Variants in OTUD7A observed in about 807,000 individuals in gnomAD.
The protein encoded by OTUD7A is OTU domain-containing protein 7A.
Under a neutral mutation model 65.7 loss-of-function variants are expected in OTUD7A, and 12 were observed. The ratio of observed to expected loss-of-function variants is 0.18; its 90% CI spans 0.12 to 0.30. The LOEUF (loss-of-function observed/expected upper bound fraction) is 0.30. Ranked by LOEUF, OTUD7A falls within the 10% of genes least tolerant of loss-of-function variation. OTUD7A has a pLI of 1.00. For synonymous variants in OTUD7A, 641 were observed against 586.3 expected, an observed-to-expected ratio of 1.09 and a Z score of -1.35; for missense variants, 1,148 against 1,304.8, an observed-to-expected ratio of 0.88 and a Z score of 1.85.
chr15:31,611,586 C>A (rs1460756420), intron 3 of OTUD7A, among the ~76,000 whole-genome samples: 1 of 152,082 alleles, frequency 6.6e-6, no homozygotes, highest in African/African-American at 2.4e-5. Flanking sequence ...TGGAAAAATA[C>A]AACCCTCAGC....
intron 1 of OTUD7A, among the ~76,000 whole-genome samples, chr15:31,772,251 C>CAAAAA (rs34676002): frequency 2.7e-4 from 22 of 80,712 alleles, no homozygotes; most frequent in African/African-American, 9.2e-4. Context: ...GACTCCGTCT[C>CAAAAA]AAAAAAAAAA....
chr15:31,483,838 C>G lies in OTUD7A; in HGVS notation c.2258G>C (p.Gly753Ala), dbSNP rs2041180869. 2.0e-6 allele frequency: 2 copies of G among 984,294 alleles called. No individual in the cohort carries two copies. Among genetic ancestry groups the G allele is most frequent in the Non-Finnish European group, 2.4e-6 (2 of 830,698 alleles). The allele number at this position is 984,294 out of a possible 1,614,324, so 61.0% of individuals were successfully genotyped here. The change falls in exon 13 of 13, where the codon GGG (glycine) becomes GCG (alanine). Residue 753 changes from glycine (G) to alanine (A), a missense_variant. Around this residue, in one of 6 missense-constraint regions of OTUD7A, gnomAD observed 842 missense variants for 769.5 expected, o/e 1.09. Transcript: ENST00000307050. ...RAAAGGTASP[G>A]GGARRASASG... Reference sequence around the variant, plus strand: ...GGCGCTCGCACGCCGCGCGCCTCCCCCCGGGGAGGCCGTGCCGCCCGCCGC... The same window carrying G: ...GGCGCTCGCACGCCGCGCGCCTCCCGCCGGGGAGGCCGTGCCGCCCGCCGC...
At chr15:31,546,189 A>C (rs1302210104) in intron 5 of OTUD7A, among the ~76,000 whole-genome samples, 1 of 152,214 alleles carries the variant, frequency 6.6e-6, no homozygotes, top group East Asian at 1.9e-4. Flanking sequence ...TTCCCTATGG[A>C]TACTGAGGGA....
chr15:31,831,868 A>C (rs1402985029), intron 1 of OTUD7A, among the ~76,000 whole-genome samples: 1 of 152,274 alleles, frequency 6.6e-6, no homozygotes, highest in Non-Finnish European at 1.5e-5. Context: ...TCCGCCGAGC[A>C]ATGACTGCCC....
intron 1 of OTUD7A, among the ~76,000 whole-genome samples, chr15:31,761,845 G>A (rs575688536): frequency 1.3e-5 from 2 of 152,214 alleles, no homozygotes; most frequent in African/African-American, 4.8e-5. Context: ...AGGAAGTACT[G>A]GTACTTACTA....
At chr15:31,808,134 C>CAAA (rs1398118771) in intron 1 of OTUD7A, among the ~76,000 whole-genome samples, 1 of 95,706 alleles carries the variant, frequency 1.0e-5, no homozygotes, top group South Asian at 3.0e-4. Context: ...CACACACACA[C>CAAA]ACAAACAAAT....
chr15:31,638,639 G>T (rs78824726), intron 3 of OTUD7A, among the ~76,000 whole-genome samples: 1 of 150,924 alleles, frequency 6.6e-6, no homozygotes, highest in Non-Finnish European at 1.5e-5. Context: ...CAAGCTATCC[G>T]TCCTCCTTGG....
chr15:31,738,577 A>G (rs10851613), intron 1 of OTUD7A, among the ~76,000 whole-genome samples: 149,652 of 152,252 alleles, frequency 0.98, 73,608 homozygotes, highest in East Asian at 1. Flanking sequence ...ATTATCTGCC[A>G]TGACAGTTTT....
At chr15:31,767,284 A>C (rs1249802928) in intron 1 of OTUD7A, 1 of 837,818 alleles carries the variant, frequency 1.2e-6, no homozygotes, top group African/African-American at 1.7e-5. Flanking sequence ...ACTACCACGA[A>C]ATGAAACAAA....
rs1394858377 is a variant in OTUD7A at position 31,479,655 on chromosome 15, A to G, written c.*3639T>C. ...TAGTTCGCAAAATAAGTTTGTGGAC[A>G]CTAAGTGGGGGGGGGGGGTGATGGG... On this transcript the variant is annotated 3_prime_UTR_variant, in exon 13 of 13. Transcript: ENST00000307050. The G allele has an allele frequency of 1.4e-5, 1 of 72,766 alleles. No individual in the cohort carries two copies. The highest frequency in any genetic ancestry group is 2.7e-5 in the Non-Finnish European group (1 of 37,266). 4.5% of individuals were successfully genotyped at this position (72,766 alleles called of 1,614,324 possible).
At chr15:31,714,555 T>C (rs1893533986) in intron 1 of OTUD7A, among the ~76,000 whole-genome samples, 2 of 152,348 alleles carry the variant, frequency 1.3e-5, no homozygotes, top group Non-Finnish European at 2.9e-5. Context: ...GTACATTTGA[T>C]GTGCATTTTT....
At chr15:31,734,114 T>C (rs910414878) in intron 1 of OTUD7A, among the ~76,000 whole-genome samples, 1 of 151,994 alleles carries the variant, frequency 6.6e-6, no homozygotes. Flanking sequence ...CCAACAACAG[T>C]CAAGCCAAGA....
chr15:31,777,011 G>A (rs576322198), intron 1 of OTUD7A, among the ~76,000 whole-genome samples: 1 of 152,128 alleles, frequency 6.6e-6, no homozygotes, highest in African/African-American at 2.4e-5. Flanking sequence ...TTTGTTACAA[G>A]GCCACCTGCC....
intron 8 of OTUD7A, among the ~76,000 whole-genome samples, chr15:31,505,454 T>C (rs775436499): frequency 2.0e-5 from 3 of 152,234 alleles, no homozygotes; most frequent in Non-Finnish European, 2.9e-5. Context: ...GGTCTTTGAA[T>C]AAATTTTGCT....
intron 1 of OTUD7A, among the ~76,000 whole-genome samples, chr15:31,719,857 T>C (rs1439698034): frequency 6.6e-6 from 1 of 151,984 alleles, no homozygotes; most frequent in East Asian, 1.9e-4. Context: ...ACACTCCCTC[T>C]GGCTACTCCC....
At chr15:31,510,951 TATATGTATATCTATATGTAAC>T (rs1419758512) in intron 8 of OTUD7A, among the ~76,000 whole-genome samples, 285 of 13,964 alleles carry the variant, frequency 0.02, 78 homozygotes, top group South Asian at 0.047. Context: ...ATATGTAACA[TATATGTATATCTATATGTAAC>T]ATATGTATAT....
chr15:31,840,189 G>A (rs1443217938), intron 1 of OTUD7A, among the ~76,000 whole-genome samples: 1 of 152,110 alleles, frequency 6.6e-6, no homozygotes, highest in Admixed American at 6.5e-5. Context: ...GGAGGCCAAG[G>A]TGAGTGGATC....
chr15:31,671,439 C>T (rs1271010140), intron 1 of OTUD7A, among the ~76,000 whole-genome samples: 1 of 152,154 alleles, frequency 6.6e-6, no homozygotes, highest in Admixed American at 6.5e-5. Context: ...TTTTTTGTAG[C>T]AGTACCATGC....
At chr15:31,682,874 T>C (rs1222260448) in intron 1 of OTUD7A, among the ~76,000 whole-genome samples, 1 of 152,200 alleles carries the variant, frequency 6.6e-6, no homozygotes, top group Non-Finnish European at 1.5e-5. Flanking sequence ...TATGTGCATG[T>C]TTGCATGCGC....
Sources: gnomAD v4.1 joint callset for allele counts (sites outside exome capture counted in the v4.1 genomes callset) on GRCh38, gnomAD v4.1.1 for gene constraint, gnomAD v4.1.1 regional missense constraint, MANE v1.5 for transcripts, NCBI Gene and HGNC (gene_info 2026-07-23, HGNC 2026-07-21) for gene names.